The following FAM227A variants were observed in gnomAD, a reference collection of about 807,000 sequenced individuals.
The protein encoded by FAM227A is family with sequence similarity 227 member A.
FAM227A carries 80 observed loss-of-function variants against 74.7 expected under a neutral mutation model. The ratio of observed to expected loss-of-function variants is 1.07; its 90% CI spans 0.89 to 1.29. FAM227A has a LOEUF of 1.29. Among genes scored for constraint, FAM227A ranks in the 50% most tolerant of loss-of-function variants. The pLI is 0.00. For synonymous variants in FAM227A, 237 were observed against 241.8 expected, an observed-to-expected ratio of 0.98 and a Z score of 0.19; for missense variants, 654 against 683.4, an observed-to-expected ratio of 0.96 and a Z score of 0.48.
chr22:38,599,601 C>T (rs1380760988), intron 14 of FAM227A, among the ~76,000 whole-genome samples, 163 bp downstream of exon 14: 4 of 152,228 alleles, frequency 2.6e-5, no homozygotes, highest in Non-Finnish European at 4.4e-5. Context: ...AAGATGAGCA[C>T]GATTCTGACC....
At chr22:38,646,196 G>A (rs1029021860) in intron 2 of FAM227A, among the ~76,000 whole-genome samples, 9 of 148,878 alleles carry the variant, frequency 6.0e-5, no homozygotes, top group South Asian at 2.1e-4. Context: ...CATCCATAAT[G>A]CCACCACCCT....
At chr22:38,587,282 C>T (rs140971641) in intron 16 of FAM227A, among the ~76,000 whole-genome samples, 11 of 151,658 alleles carry the variant, frequency 7.3e-5, no homozygotes, top group East Asian at 1.9e-4. Context: ...GAGCAGAGGA[C>T]GTGAAATAGA....
chr22:38,611,973 C>G (rs1357840308), intron 11 of FAM227A, among the ~76,000 whole-genome samples: 1 of 152,150 alleles, frequency 6.6e-6, no homozygotes, highest in African/African-American at 2.4e-5. Flanking sequence ...AAGCCGCACA[C>G]CTGGGAAGCA....
Position 38,650,042 on chromosome 22 carries a change from C to G in FAM227A, c.127G>C (p.Glu43Gln). 6.4e-7 allele frequency: 1 copy of G among 1,552,226 alleles called. No homozygotes were observed. Among genetic ancestry groups the G allele is most frequent in the South Asian group, 1.2e-5 (1 of 84,042 alleles). Reference sequence around the variant, plus strand: ...AGAAGGATACAGGGTGGATTGTTCTCTAACTCCTTCCTCACAGTCTTCACC... The same window carrying G: ...AGAAGGATACAGGGTGGATTGTTCTGTAACTCCTTCCTCACAGTCTTCACC... ...TMVKTVRKELENNPPSCLIGS... is the reference protein window; with the variant it reads ...TMVKTVRKELQNNPPSCLIGS... Residue 43 changes from glutamate (E) to glutamine (Q), a missense_variant, in exon 2 of 17, where the codon GAG becomes CAG. Physicochemically the swap from Glu to Gln is conservative, Grantham distance 29. Transcript: ENST00000535113.
At chr22:38,626,880 A>AAAAG (rs2091814100) in intron 8 of FAM227A, among the ~76,000 whole-genome samples, 3 of 109,120 alleles carry the variant, frequency 2.7e-5, no homozygotes, top group African/African-American at 1.1e-4. Context: ...AAAAAAAAAA[A>AAAAG]AAAAAAAAAA....
Position 38,584,859 on chromosome 22 carries a change from T to A in FAM227A, c.*1266A>T, listed in dbSNP as rs560808063. The A allele has an allele frequency of 6.6e-6, 1 of 152,112 alleles. No homozygotes were observed. The highest frequency in any genetic ancestry group is 1.5e-5 in the Non-Finnish European group (1 of 68,028). 9.4% of individuals were successfully genotyped at this position (152,112 alleles called of 1,614,324 possible). On this transcript the variant is annotated 3_prime_UTR_variant, in exon 17 of 17. Transcript: ENST00000535113. The stretch of plus-strand genomic sequence containing the variant: ...TTGCCCAGGCTGGAGTGCAATAGCA[T>A]GGTCTTGGCTCACTGCAACCTCCGC...
chr22:38,632,130 C>A (rs1195888863), intron 6 of FAM227A, among the ~76,000 whole-genome samples: 1 of 152,058 alleles, frequency 6.6e-6, no homozygotes, highest in Non-Finnish European at 1.5e-5. Context: ...GCCTGAGGGG[C>A]ACTGAGGTTA....
rs2090764959 is a variant in FAM227A, at chr22:38,584,458, A to C, written c.*1667T>G. 1 of 152,182 alleles carries C rather than the reference A, an allele frequency of 6.6e-6. No homozygotes were observed. Among genetic ancestry groups the C allele is most frequent in the African/African-American group, 2.4e-5 (1 of 41,430 alleles). 9.4% of individuals were successfully genotyped at this position (152,182 alleles called of 1,614,324 possible). A position where few individuals can be genotyped will look rare whatever the true frequency, so the allele number is the denominator to read the frequency against. ...GACATCACCTATGATTACTATTATT[A>C]TGTTATACAATATTAGATACTCCAG... On this transcript the variant is annotated 3_prime_UTR_variant, in exon 17 of 17. Coordinates refer to ENST00000535113, the MANE Select transcript of FAM227A (RefSeq NM_001013647.2).
chr22:38,600,997 G>C (rs2091165191), intron 13 of FAM227A, among the ~76,000 whole-genome samples: 1 of 151,198 alleles, frequency 6.6e-6, no homozygotes, highest in East Asian at 1.9e-4. Context: ...AGATAGATGA[G>C]AGACTGGAAG....
chr22:38,586,247 T>A (rs547016343), intron 16 of FAM227A, 48 bp from the exon 17 acceptor site: 304 of 1,542,744 alleles, frequency 2.0e-4, no homozygotes, highest in Non-Finnish European at 2.6e-4. Context: ...TTAAAAAATG[T>A]AATTTCTTCA....
At position 38,582,007 on chromosome 22, in the gene FAM227A, T is replaced by G. The variant is rs976476460; in HGVS notation, c.*4118A>C. On this transcript the variant is annotated 3_prime_UTR_variant, in exon 17 of 17. Transcript: ENST00000535113. ...ATCCTCTTGCCTTGGCCTTCCAAAG[T>G]GCTGGGATTACAGGTGTGAGCCACC... 3 of 221,864 alleles carry G rather than the reference T, an allele frequency of 1.4e-5. No individual in the cohort carries two copies. The highest frequency in any genetic ancestry group is 6.9e-5 in the African/African-American group (3 of 43,184). 13.7% of individuals were successfully genotyped at this position (221,864 alleles called of 1,614,324 possible). A position where few individuals can be genotyped will look rare whatever the true frequency, so the allele number is the denominator to read the frequency against.
intron 11 of FAM227A, 60 bp downstream of exon 11, chr22:38,620,152 C>T (rs1056359122): frequency 2.3e-5 from 28 of 1,206,732 alleles, no homozygotes; most frequent in African/African-American, 4.6e-5. Flanking sequence ...CCAGAAGAAC[C>T]GAGGGTTCCT....
intron 14 of FAM227A, 129 bp downstream of exon 14, chr22:38,599,635 C>A: frequency 2.5e-6 from 2 of 804,982 alleles, no homozygotes; most frequent in Non-Finnish European, 3.6e-6. Flanking sequence ...CACTGGCCAC[C>A]TCTGGCGAGT....
chr22:38,639,774 G>C, intron 3 of FAM227A, 50 bp from the exon 4 acceptor site: 1 of 1,293,702 alleles, frequency 7.7e-7, no homozygotes, highest in Non-Finnish European at 1.1e-6. Flanking sequence ...GCAAATCCTG[G>C]AGAAGGGTGG....
chr22:38,632,959 A>G (rs2091941021), intron 6 of FAM227A, among the ~76,000 whole-genome samples: 1 of 152,194 alleles, frequency 6.6e-6, no homozygotes, highest in Non-Finnish European at 1.5e-5. Context: ...GCATATGTGG[A>G]CAGCTCCTCC....
rs547957140 is a variant in FAM227A, at chr22:38,592,605, TTAAATCATGGGCTGAAGC to T, written c.1533-1083_1533-1066del. Among the ~76,000 whole-genome samples, 389 of 152,220 alleles carry T rather than the reference TTAAATCATGGGCTGAAGC, an allele frequency of 2.6e-3. 3 individuals carry two copies. Among genetic ancestry groups the T allele is most frequent in the African/African-American group, 8.8e-3 (367 of 41,522 alleles). ...TGAGCAGCCATTTCTTACCATGAAG[TTAAATCATGGGCTGAAGC>T]TAAATCATGGGCTGAAGCTAGTGGA... On this transcript the variant is annotated intron_variant, in intron 15 of 16. Transcript: ENST00000535113.
rs2090689302 is a variant in FAM227A at position 38,579,689 on chromosome 22, A to G, written c.*6436T>C. 1 of 152,172 alleles carries G rather than the reference A, an allele frequency of 6.6e-6. No individual in the cohort carries two copies. Among genetic ancestry groups the G allele is most frequent in the Non-Finnish European group, 1.5e-5 (1 of 68,032 alleles). The allele number at this position is 152,172 out of a possible 1,614,324, so 9.4% of individuals were successfully genotyped here. ...CCTCCATCCACTTTCTCTCTCCCAT[A>G]TTATTTGAGTACAAATTCCATAAAT... On this transcript the variant is annotated 3_prime_UTR_variant, in exon 17 of 17. Coordinates refer to ENST00000535113, the MANE Select transcript of FAM227A (RefSeq NM_001013647.2).
Position 38,585,200 on chromosome 22 carries a change from C to T in FAM227A, c.*925G>A, listed in dbSNP as rs1366105879. On this transcript the variant is annotated 3_prime_UTR_variant, in exon 17 of 17. Transcript: ENST00000535113. ...TCCTTGTCTCATGAACTGGGAGTGA[C>T]TAAATGTGTCCCTAGTTGCAGTATT... 3.9e-5 allele frequency: 6 copies of T among 152,108 alleles called. No homozygotes were observed. Among genetic ancestry groups the T allele is most frequent in the Non-Finnish European group, 8.8e-5 (6 of 68,026 alleles). 9.4% of individuals were successfully genotyped at this position (152,108 alleles called of 1,614,324 possible).
chr22:38,647,037 C>G lies in FAM227A; in HGVS notation c.143-1392G>C, dbSNP rs915137893. On this transcript the variant is annotated intron_variant, in intron 2 of 16. Coordinates refer to ENST00000535113, the MANE Select transcript of FAM227A (RefSeq NM_001013647.2). ...TGGTGGCGGGTGCCTGTAATCCCAGCTACTTGGGAGGCTCAGGCAGGAGAA... is the reference window on the plus strand; with the variant it reads ...TGGTGGCGGGTGCCTGTAATCCCAGGTACTTGGGAGGCTCAGGCAGGAGAA... Among the ~76,000 whole-genome samples, 12 of 152,010 alleles carry G rather than the reference C, an allele frequency of 7.9e-5. No homozygotes were observed. In the East Asian group the frequency reaches 2.3e-3, roughly 29 times the overall value.
Sources: gnomAD v4.1 joint callset for allele counts (sites outside exome capture counted in the v4.1 genomes callset) on GRCh38, gnomAD v4.1.1 for gene constraint, MANE v1.5 for transcripts, NCBI Gene and HGNC (gene_info 2026-07-23, HGNC 2026-07-21) for gene names.